ZNF567: variants seen among roughly 807,000 people sequenced by gnomAD.
ZNF567 encodes the protein zinc finger protein 567.
A neutral mutation model predicts 53.9 loss-of-function variants in ZNF567; 36 were observed. The ratio of observed to expected loss-of-function variants is 0.67; its 90% CI spans 0.51 to 0.88. ZNF567 has a LOEUF of 0.88. ZNF567 is among the 40% of genes least tolerant of loss of function. The pLI is 0.00. For synonymous variants in ZNF567, 224 were observed against 260.4 expected (o/e 0.86, Z 1.35); for missense variants, 619 against 764.7 (o/e 0.81, Z 2.25).
intron 3 of ZNF567, 79 bp from the exon 4 acceptor site, chr19:36,712,307 C>G: frequency 6.1e-6 from 9 of 1,474,824 alleles, no homozygotes; most frequent in Non-Finnish European, 8.2e-6. Flanking sequence ...CTCAGCCTCC[C>G]AAAGTGCTGG....
At chr19:36,706,243 C>T (rs571856183) in intron 3 of ZNF567, among the ~76,000 whole-genome samples, 8 of 152,174 alleles carry the variant, frequency 5.3e-5, no homozygotes, top group African/African-American at 1.2e-4. Context: ...GGCCTAATCA[C>T]GTATTAAAGG....
chr19:36,690,451 G>A (rs2145546008), intron 2 of ZNF567, among the ~76,000 whole-genome samples: 1 of 152,056 alleles, frequency 6.6e-6, no homozygotes, highest in African/African-American at 2.4e-5. Flanking sequence ...AATTAGCCAG[G>A]CGTAGTGGCA....
chr19:36,713,368 GA>G (rs1488590662), intron 5 of ZNF567, among the ~76,000 whole-genome samples: 1 of 151,632 alleles, frequency 6.6e-6, no homozygotes, highest in African/African-American at 2.4e-5. Context: ...AAGGTGGGAG[GA>G]TCACTTGAGC....
the ZNF567 span, among the ~76,000 whole-genome samples, chr19:36,678,059 A>T: frequency 1.3e-5 from 2 of 152,146 alleles, no homozygotes; most frequent in African/African-American, 4.8e-5. Context: ...TTTTATCTCT[A>T]AGCCAGATGT....
At chr19:36,691,412 C>T (rs2145560453) in intron 2 of ZNF567, among the ~76,000 whole-genome samples, 1 of 151,908 alleles carries the variant, frequency 6.6e-6, no homozygotes, top group East Asian at 2.0e-4. Flanking sequence ...GTGATCTGCC[C>T]ACCTTGGCCT....
At chr19:36,698,361 T>G (rs2039000734) in intron 3 of ZNF567, among the ~76,000 whole-genome samples, 4 of 151,692 alleles carry the variant, frequency 2.6e-5, no homozygotes, top group African/African-American at 9.7e-5. Flanking sequence ...TCTTTGCTAT[T>G]GTGAATAGTG....
the ZNF567 span, among the ~76,000 whole-genome samples, chr19:36,672,684 G>A: frequency 2.6e-5 from 4 of 152,120 alleles, no homozygotes; most frequent in Admixed American, 2.0e-4. Flanking sequence ...CTGATACATT[G>A]GATTGCTTCC....
chr19:36,688,923 C>T (rs1395559427), intron 1 of ZNF567, among the ~76,000 whole-genome samples: 2 of 151,994 alleles, frequency 1.3e-5, no homozygotes, highest in African/African-American at 2.4e-5. Flanking sequence ...CATGGTGAAA[C>T]CCCGTCTCTA....
At chr19:36,689,764 A>G (rs1203957868) in intron 2 of ZNF567, among the ~76,000 whole-genome samples, 1 of 152,170 alleles carries the variant, frequency 6.6e-6, no homozygotes, top group Non-Finnish European at 1.5e-5. Context: ...CCCAAATCTT[A>G]GAAATATGTA....
chr19:36,684,996 A>T (rs970686280), upstream of ZNF567, among the ~76,000 whole-genome samples: 1 of 152,180 alleles, frequency 6.6e-6, no homozygotes, highest in African/African-American at 2.4e-5. Flanking sequence ...AGATGTAAAA[A>T]GGGAGACCCG....
chr19:36,719,984 C>T lies in ZNF567; in HGVS notation c.1260C>T (p.Pro420=). ...VHQRTHTGEK[P]YICNECGKSF... ...AGAGAACTCATACAGGGGAAAAGCC[C>T]TATATTTGTAATGAATGTGGGAAAT... The change falls in exon 6 of 6, where the codon CCC becomes CCT. Residue 420 remains proline, a synonymous_variant. Transcript: ENST00000682579. 2 of 1,613,678 alleles carry T rather than the reference C, an allele frequency of 1.2e-6. No individual in the cohort carries two copies. Among genetic ancestry groups the T allele is most frequent in the South Asian group, 2.2e-5 (2 of 91,052 alleles).
At chr19:36,683,950 T>C (rs988036701), upstream of ZNF567, among the ~76,000 whole-genome samples, 8 of 152,194 alleles carry the variant, frequency 5.3e-5, no homozygotes, top group South Asian at 2.1e-4. Flanking sequence ...GCAATTGATA[T>C]AGATGTGTAA....
the ZNF567 span, among the ~76,000 whole-genome samples, chr19:36,675,547 C>T: frequency 6.6e-6 from 1 of 152,182 alleles, no homozygotes; most frequent in Middle Eastern, 3.4e-3. Flanking sequence ...GTGGCGTGCA[C>T]CTGTAATCCC....
chr19:36,692,441 T>C (rs2038665960), intron 2 of ZNF567, among the ~76,000 whole-genome samples: 1 of 152,188 alleles, frequency 6.6e-6, no homozygotes, highest in Admixed American at 6.5e-5. Flanking sequence ...GGCACAGTCA[T>C]AGTTCATTGT....
At chr19:36,710,210 T>C (rs981791242) in intron 3 of ZNF567, among the ~76,000 whole-genome samples, 4 of 151,936 alleles carry the variant, frequency 2.6e-5, no homozygotes, top group Non-Finnish European at 5.9e-5. Flanking sequence ...TGTGCTCCTA[T>C]CGAGCTTCTC....
chr19:36,686,471 A>C (rs2038274587), upstream of ZNF567: 1 of 152,200 alleles, frequency 6.6e-6, no homozygotes, highest in Admixed American at 6.5e-5. Flanking sequence ...AACCCTTCTT[A>C]GTATTCAAGG....
chr19:36,695,021 C>G, intron 3 of ZNF567, 145 bp downstream of exon 3: 2 of 875,362 alleles, frequency 2.3e-6, no homozygotes, highest in Non-Finnish European at 3.4e-6. Context: ...CCATATTGGT[C>G]AGATAAGACT....
downstream of ZNF567, among the ~76,000 whole-genome samples, chr19:36,722,266 T>A (rs1335662531): frequency 6.6e-6 from 1 of 152,180 alleles, no homozygotes; most frequent in Non-Finnish European, 1.5e-5. Context: ...ACTATGTATA[T>A]GAAGTCATTG....
upstream of ZNF567, among the ~76,000 whole-genome samples, chr19:36,682,975 GTGTGTGTGTGTC>G (rs2038209936): frequency 6.6e-6 from 1 of 151,914 alleles, no homozygotes; most frequent in South Asian, 2.1e-4. Flanking sequence ...CTCTCTTTGT[GTGTGTGTGTGTC>G]TGTGTGTGTG....
Sources: allele counts gnomAD v4.1 joint callset (sites outside exome capture counted in the v4.1 genomes callset), GRCh38; gene constraint gnomAD v4.1.1; transcripts MANE v1.5; gene names NCBI Gene and HGNC (gene_info 2026-07-23, HGNC 2026-07-21).